The following SFMBT1 variants were observed in gnomAD, a reference collection of about 807,000 sequenced individuals.
SFMBT1 encodes the protein scm-like with four MBT domains protein 1.
SFMBT1 carries 32 observed loss-of-function variants against 108.7 expected under a neutral mutation model. That is an observed-to-expected ratio of 0.29 (90% CI 0.22 to 0.40). SFMBT1 has a LOEUF of 0.40. SFMBT1 is among the 10% of genes least tolerant of loss of function. The pLI is 1.00. For missense variants in SFMBT1, 816 were observed against 1,059.6 expected (o/e 0.77, Z 3.19); for synonymous variants, 348 against 369.5 (o/e 0.94, Z 0.67).
rs1480023960 is a variant in SFMBT1, at chr3:52,903,777, A to G, written c.*1359T>C. On this transcript the variant is annotated 3_prime_UTR_variant, in exon 21 of 21. Coordinates refer to ENST00000394752, the MANE Select transcript of SFMBT1 (RefSeq NM_016329.4). ...CTCCTCATGACTAGAATAGTGCAGC[A>G]AACGCTATTATTCTATAATAGCTAG... 6.6e-6 allele frequency: 1 copy of G among 152,256 alleles called. No homozygotes were observed. Among genetic ancestry groups the G allele is most frequent in the Non-Finnish European group, 1.5e-5 (1 of 68,050 alleles). The allele number at this position is 152,256 out of a possible 1,614,324, so 9.4% of individuals were successfully genotyped here.
intron 15 of SFMBT1, among the ~76,000 whole-genome samples, chr3:52,913,238 CAGA>C (rs1238709097): frequency 7.2e-5 from 11 of 152,210 alleles, no homozygotes; most frequent in Non-Finnish European, 1.2e-4. Context: ...TGGTCTCTGA[CAGA>C]AGACCTTTCT....
chr3:53,029,461 C>T (rs1200129837), intron 1 of SFMBT1, among the ~76,000 whole-genome samples: 2 of 152,108 alleles, frequency 1.3e-5, no homozygotes, highest in South Asian at 2.1e-4. Flanking sequence ...AGAAATTCTG[C>T]GCCAGAACAG....
chr3:52,987,240 T>C (rs925634060), intron 1 of SFMBT1, among the ~76,000 whole-genome samples: 2 of 152,140 alleles, frequency 1.3e-5, no homozygotes, highest in African/African-American at 4.8e-5. Flanking sequence ...AAAAGGCATA[T>C]ACTCTAAAAT....
intron 1 of SFMBT1, among the ~76,000 whole-genome samples, chr3:52,981,054 C>A (rs974784521): frequency 6.6e-6 from 1 of 151,408 alleles, no homozygotes; most frequent in Non-Finnish European, 1.5e-5. Flanking sequence ...CCCAGCTACT[C>A]GTGAGGCTGA....
At chr3:52,949,016 C>T (rs1455271304) in intron 3 of SFMBT1, among the ~76,000 whole-genome samples, 1 of 151,608 alleles carries the variant, frequency 6.6e-6, no homozygotes, top group Non-Finnish European at 1.5e-5. Flanking sequence ...TCTGATGTTA[C>T]TGCATTTTCA....
At chr3:52,945,978 TGG>T (rs1414859462) in intron 3 of SFMBT1, among the ~76,000 whole-genome samples, 1 of 152,222 alleles carries the variant, frequency 6.6e-6, no homozygotes, top group Non-Finnish European at 1.5e-5. Flanking sequence ...TGAAAAAATC[TGG>T]CAGATGCCAC....
intron 1 of SFMBT1, chr3:53,043,151 T>G (rs747710342): frequency 1.3e-5 from 2 of 152,148 alleles, no homozygotes; most frequent in Non-Finnish European, 2.9e-5. Flanking sequence ...CTAACCCATC[T>G]CCTTTACAGT....
intron 3 of SFMBT1, among the ~76,000 whole-genome samples, chr3:52,946,866 G>C (rs1703384913): frequency 6.6e-6 from 1 of 150,550 alleles, no homozygotes; most frequent in South Asian, 2.1e-4. Context: ...CCACCTTTCA[G>C]GTTCAAGTGA....
At chr3:52,950,966 T>A (rs191285998) in intron 3 of SFMBT1, among the ~76,000 whole-genome samples, 41 of 151,228 alleles carry the variant, frequency 2.7e-4, no homozygotes, top group Non-Finnish European at 4.0e-4. Flanking sequence ...ATATATATAT[T>A]TTTTTAAGTT....
intron 13 of SFMBT1, 58 bp downstream of exon 13, chr3:52,918,426 A>G: frequency 7.5e-7 from 1 of 1,331,728 alleles, no homozygotes. Flanking sequence ...ACCCTCTGAA[A>G]TAGTTATTTT....
rs562672031 is a variant in SFMBT1 at position 52,995,810 on chromosome 3, G to A, written c.-130-26552C>T. 6.3e-4 allele frequency among the ~76,000 whole-genome samples: 94 copies of A among 149,990 alleles called. 1 individual carries two copies. The highest frequency in any genetic ancestry group is 2.2e-3 in the African/African-American group (89 of 41,348). ...GGCCAGGTGCCACCCCCCAGCTCAC[G>A]CCTATAATCTTAGCACTTTGGGAGG... is the stretch of plus-strand genomic sequence containing the variant. On this transcript the variant is annotated intron_variant, in intron 1 of 20. Coordinates refer to ENST00000394752, the MANE Select transcript of SFMBT1 (RefSeq NM_016329.4).
Position 52,982,729 on chromosome 3 carries a change from CAAAAAAAAA to C in SFMBT1, c.-130-13480_-130-13472del, listed in dbSNP as rs34099481. ...GGGCGACAGAGCAAGACTCCCATCT[CAAAAAAAAA>C]AAAAAAAAAAAAAAAGATATAGATC... On this transcript the variant is annotated intron_variant, in intron 1 of 20. Transcript: ENST00000394752. 3.6e-4 allele frequency among the ~76,000 whole-genome samples: 25 copies of C among 69,114 alleles called. 1 individual carries two copies. Among genetic ancestry groups the C allele is most frequent in the South Asian group, 2.3e-3 (5 of 2,222 alleles). 45.3% of individuals were successfully genotyped at this position (69,114 alleles called of 152,430 possible). A position where few individuals can be genotyped will look rare whatever the true frequency, so the allele number is the denominator to read the frequency against.
intron 2 of SFMBT1, 72 bp downstream of exon 2, chr3:52,969,029 C>G: frequency 6.4e-7 from 1 of 1,569,074 alleles, no homozygotes; most frequent in South Asian, 1.1e-5. Context: ...GGTAGAGAAA[C>G]AGACAATATA....
At chr3:52,909,661 G>T (rs1228896125) in intron 17 of SFMBT1, among the ~76,000 whole-genome samples, 2 of 152,114 alleles carry the variant, frequency 1.3e-5, no homozygotes, top group African/African-American at 2.4e-5. Flanking sequence ...ATCCCTAAAA[G>T]AAATCTTTCC....
At position 52,926,032 on chromosome 3, in the gene SFMBT1, G is replaced by C. The variant is rs535877148; in HGVS notation, c.1130C>G (p.Pro377Arg). The C allele has an allele frequency of 4.1e-5, 66 of 1,605,866 alleles. No homozygotes were observed. Among genetic ancestry groups the C allele is most frequent in the Non-Finnish European group, 5.4e-5 (63 of 1,176,960 alleles). The change falls in exon 10 of 21, where the codon CCG (proline) becomes CGG (arginine). Residue 377 changes from proline to arginine, a missense_variant and splice_region_variant. Physicochemically the swap from Pro to Arg is moderately radical, Grantham distance 103. This residue lies in a region of SFMBT1 where 495 missense variants were observed against 607.4 expected (regional missense o/e 0.81). Transcript: ENST00000394752. ...AEAAPQRCFP[P>R]LISEHEFKEN... ...CCATGAGGCCGTGGGGGTCCTCACC[G>C]GAGGGAAGCACCTCTGGGGAGCAGC... is the stretch of plus-strand genomic sequence containing the variant.
chr3:52,945,140 A>AAAAAAAAAACAAAAAAAAAAAAAC (rs1553636683), intron 3 of SFMBT1, among the ~76,000 whole-genome samples: 3 of 146,172 alleles, frequency 2.1e-5, no homozygotes, highest in Non-Finnish European at 3.0e-5. Context: ...TCCAATTAAA[A>AAAAAAAAAACAAAAAAAAAAAAAC]AAAAAAAAAA....
At chr3:52,932,985 AAAAGTC>A (rs796566194) in intron 5 of SFMBT1, among the ~76,000 whole-genome samples, 89 of 152,280 alleles carry the variant, frequency 5.8e-4, no homozygotes, top group African/African-American at 1.9e-3. Flanking sequence ...AAAATCAAAC[AAAAGTC>A]AAAGTCAAAG....
chr3:52,995,356 A>G (rs944814432), intron 1 of SFMBT1, among the ~76,000 whole-genome samples: 3 of 150,340 alleles, frequency 2.0e-5, no homozygotes, highest in Non-Finnish European at 4.5e-5. Context: ...GAAAAAGAAA[A>G]TAGAAAATCT....
intron 3 of SFMBT1, among the ~76,000 whole-genome samples, chr3:52,947,179 G>A (rs562471556): frequency 3.1e-4 from 46 of 149,394 alleles, no homozygotes; most frequent in African/African-American, 1.1e-3. Context: ...GTGCAGTGGC[G>A]TCATCTCTGC....
Sources: allele counts gnomAD v4.1 joint callset (sites outside exome capture counted in the v4.1 genomes callset), GRCh38; gene constraint gnomAD v4.1.1; regional missense constraint gnomAD v4.1.1; transcripts MANE v1.5; gene names NCBI Gene and HGNC (gene_info 2026-07-23, HGNC 2026-07-21).